Variants in POLR3B observed in about 807,000 individuals in gnomAD.
The protein encoded by POLR3B is DNA-directed RNA polymerase III subunit RPC2.
A neutral mutation model predicts 147.4 loss-of-function variants in POLR3B; 96 were observed. The observed-to-expected ratio is 0.65, with a 90% CI of 0.55 to 0.77. The LOEUF is 0.77. POLR3B is among the 30% of genes least tolerant of loss of function. The pLI, the probability that POLR3B is intolerant of heterozygous loss-of-function variation, is 0.00. For synonymous variants in POLR3B, 461 were observed against 485.9 expected (o/e 0.95, Z 0.67); for missense variants, 1,036 against 1,413.5 (o/e 0.73, Z 4.28).
intron 23 of POLR3B, among the ~76,000 whole-genome samples, chr12:106,481,013 A>G (rs1259000216): frequency 6.6e-6 from 1 of 152,178 alleles, no homozygotes. Context: ...GAGAAGTAAG[A>G]GGGTGAGCCC....
chr12:106,359,017 A>G (rs1381769643), intron 1 of POLR3B, among the ~76,000 whole-genome samples: 1 of 152,208 alleles, frequency 6.6e-6, no homozygotes, highest in East Asian at 1.9e-4. Context: ...CAAGAGTTTG[A>G]GAACAGCTTG....
At chr12:106,437,938 T>A (rs2037599563) in intron 18 of POLR3B, among the ~76,000 whole-genome samples, 159 bp downstream of exon 18, 1 of 152,208 alleles carries the variant, frequency 6.6e-6, no homozygotes, top group African/African-American at 2.4e-5. Context: ...TGCAGGTTTG[T>A]TACATAGGTA....
In POLR3B at chr12:106,444,505, C is replaced by T. The variant is rs369468138; in HGVS notation, c.1998C>T (p.Gly666=). The T allele has an allele frequency of 1.5e-5, 24 of 1,613,692 alleles. No individual in the cohort carries two copies. Among genetic ancestry groups the T allele is most frequent in the Non-Finnish European group, 1.9e-5 (22 of 1,179,796 alleles). The change falls in exon 19 of 28, where the codon GGC becomes GGT. Residue 666 remains glycine, a synonymous_variant. Coordinates refer to ENST00000228347, the MANE Select transcript of POLR3B (RefSeq NM_018082.6). ...HLEIEPFTLL[G]VCAGLIPYPH... ...AGATTGAACCCTTCACTCTTCTCGG[C>T]GTGTGTGCTGGACTTATCCCATACC...
chr12:106,372,333 G>T (rs1231622284), intron 6 of POLR3B, among the ~76,000 whole-genome samples: 1 of 125,974 alleles, frequency 7.9e-6, no homozygotes, highest in South Asian at 2.6e-4. Context: ...GTGTGTGTGT[G>T]TTTTTTTTTT....
intron 23 of POLR3B, among the ~76,000 whole-genome samples, chr12:106,492,974 G>T (rs2038426889): frequency 6.6e-6 from 1 of 152,144 alleles, no homozygotes; most frequent in Non-Finnish European, 1.5e-5. Flanking sequence ...AAATGTTCCT[G>T]AGCATGTTAA....
intron 25 of POLR3B, among the ~76,000 whole-genome samples, chr12:106,498,353 C>T (rs1358662296): frequency 1.3e-5 from 2 of 152,198 alleles, no homozygotes; most frequent in East Asian, 3.8e-4. Context: ...GGCGACCAGG[C>T]TTGGGAGCTT....
rs2037628179 is a variant in POLR3B at position 106,440,034 on chromosome 12, G to C, written c.1955+2255G>C. On this transcript the variant is annotated intron_variant, in intron 18 of 27. Transcript: ENST00000228347. ...TTGGAACACCACTGCATTCCAGCTT[G>C]GGCGAGAGAGTGAGACCCTTACTCA... is the stretch of plus-strand genomic sequence containing the variant. Among the ~76,000 whole-genome samples the C allele has an allele frequency of 2.0e-5, 3 of 152,200 alleles. No individual in the cohort carries two copies. In the South Asian group the frequency reaches 6.2e-4, roughly 32 times the overall value.
intron 26 of POLR3B, among the ~76,000 whole-genome samples, chr12:106,502,616 A>AT (rs1050807016): frequency 6.0e-5 from 9 of 149,480 alleles, no homozygotes; most frequent in South Asian, 2.1e-4. Flanking sequence ...TTGGGGTTTC[A>AT]TTTTTTTTTT....
At chr12:106,462,332 C>T (rs900133612) in intron 22 of POLR3B, among the ~76,000 whole-genome samples, 8 of 152,322 alleles carry the variant, frequency 5.3e-5, no homozygotes, top group Middle Eastern at 3.4e-3. Flanking sequence ...ACTGCAACCT[C>T]CACCTCCTGG....
intron 4 of POLR3B, 146 bp from the exon 5 acceptor site, chr12:106,369,129 A>T: frequency 1.4e-6 from 1 of 697,860 alleles, no homozygotes; most frequent in South Asian, 1.5e-5. Flanking sequence ...CTTCAAGAAG[A>T]TCTCCAATTT....
intron 23 of POLR3B, among the ~76,000 whole-genome samples, chr12:106,469,523 T>A (rs1273736634): frequency 1.3e-5 from 2 of 152,204 alleles, no homozygotes; most frequent in Non-Finnish European, 2.9e-5. Context: ...ACCTGTTAAT[T>A]GATGCAGTTT....
intron 12 of POLR3B, among the ~76,000 whole-genome samples, chr12:106,411,780 A>G (rs2037231219): frequency 6.6e-6 from 1 of 152,216 alleles, no homozygotes; most frequent in African/African-American, 2.4e-5. Context: ...CTGATAAATG[A>G]CATTTTATTT....
intron 10 of POLR3B, among the ~76,000 whole-genome samples, chr12:106,401,563 T>A (rs1243954101): frequency 1.3e-5 from 2 of 152,110 alleles, no homozygotes; most frequent in African/African-American, 4.8e-5. Flanking sequence ...AAAATCCTCA[T>A]TAAAATACTG....
Position 106,453,026 on chromosome 12 carries a change from C to CTT in POLR3B, c.2084-1461_2084-1460dup, listed in dbSNP as rs770997629. ...TGGTTTATTTTCTTTTTCTTTTCTT[C>CTT]TTTTTTTTTTTTTTTTGAGACAGGG... On this transcript the variant is annotated intron_variant, in intron 19 of 27. Coordinates refer to ENST00000228347, the MANE Select transcript of POLR3B (RefSeq NM_018082.6). Among the ~76,000 whole-genome samples the CTT allele has an allele frequency of 1.1e-3, 151 of 135,940 alleles. 2 individuals are homozygous for CTT. The highest frequency in any genetic ancestry group is 3.8e-3 in the African/African-American group (140 of 36,902). The allele number at this position is 135,940 out of a possible 152,430, so 89.2% of individuals were successfully genotyped here. A position where few individuals can be genotyped will look rare whatever the true frequency, so the allele number is the denominator to read the frequency against.
In POLR3B at chr12:106,384,971, G is replaced by A. The variant is rs190065742; in HGVS notation, c.723+4832G>A. On this transcript the variant is annotated intron_variant, in intron 9 of 27. Coordinates refer to ENST00000228347, the MANE Select transcript of POLR3B (RefSeq NM_018082.6). Reference sequence around the variant, plus strand: ...CTCCCAAGTAGCTGCGATTTCAGGCGCCCTCCACCACGCCCAGCTAATTTT... The same window carrying A: ...CTCCCAAGTAGCTGCGATTTCAGGCACCCTCCACCACGCCCAGCTAATTTT... Among the ~76,000 whole-genome samples, 1,224 of 151,896 alleles carry A rather than the reference G, an allele frequency of 8.1e-3. 17 individuals are homozygous for A. The highest frequency in any genetic ancestry group is 0.028 in the African/African-American group (1,161 of 41,396).
intron 12 of POLR3B, among the ~76,000 whole-genome samples, chr12:106,411,482 G>A (rs1056534993): frequency 1.3e-5 from 2 of 152,036 alleles, no homozygotes; most frequent in African/African-American, 2.4e-5. Flanking sequence ...TCTTTTGTTG[G>A]GATGTTTACC....
Position 106,454,700 on chromosome 12 carries a change from C to T in POLR3B, c.2282C>T (p.Ser761Phe). 6.3e-7 allele frequency: 1 copy of T among 1,591,122 alleles called. No homozygotes were observed. Among genetic ancestry groups the T allele is most frequent in the Non-Finnish European group, 8.6e-7 (1 of 1,159,288 alleles). ...GATGCTCTTGTTTTAAACAAGGCCT[C>T]TTTAGACAGAGGTAAGTGAATTTTC... ...IEDALVLNKA[S>F]LDRGFGRCLV... The change falls in exon 20 of 28, where the codon TCT becomes TTT. Residue 761 changes from serine to phenylalanine, a missense_variant. Ser to Phe is a radical substitution (Grantham distance 155, BLOSUM62 -2). This residue lies in a region of POLR3B where 202 missense variants were observed against 272.8 expected (regional missense o/e 0.74). Transcript: ENST00000228347.
intron 12 of POLR3B, among the ~76,000 whole-genome samples, chr12:106,411,439 A>G (rs973948322): frequency 1.7e-4 from 26 of 152,176 alleles, no homozygotes; most frequent in Non-Finnish European, 3.4e-4. Flanking sequence ...TGCCCAGCCT[A>G]ATTCTTTAAA....
At chr12:106,462,924 A>G (rs1431143674) in intron 22 of POLR3B, among the ~76,000 whole-genome samples, 1 of 151,908 alleles carries the variant, frequency 6.6e-6, no homozygotes, top group African/African-American at 2.4e-5. Context: ...TGTTCTTCAT[A>G]CCAGATACCA....
Sources: gnomAD v4.1 joint callset for allele counts (sites outside exome capture counted in the v4.1 genomes callset) on GRCh38, gnomAD v4.1.1 for gene constraint, gnomAD v4.1.1 regional missense constraint, MANE v1.5 for transcripts, NCBI Gene and HGNC (gene_info 2026-07-23, HGNC 2026-07-21) for gene names.